The following PTPN4 variants were observed in gnomAD, a reference collection of about 807,000 sequenced individuals.
PTPN4 encodes the protein protein tyrosine phosphatase non-receptor type 4, also known as tyrosine-protein phosphatase non-receptor type 4.
PTPN4 carries 49 observed loss-of-function variants against 135.5 expected under a neutral mutation model. The ratio of observed to expected loss-of-function variants is 0.36; its 90% CI spans 0.29 to 0.46. PTPN4 has a LOEUF of 0.46. PTPN4 is among the 20% of genes least tolerant of loss of function. The probability of loss-of-function intolerance (pLI) is 1.00; values close to 1 mark genes in which losing one functional copy is unlikely to be tolerated. For missense variants in PTPN4, 860 were observed against 1,101.0 expected, an observed-to-expected ratio of 0.78 and a Z score of 3.10; for synonymous variants, 333 against 369.9, an observed-to-expected ratio of 0.90 and a Z score of 1.14.
intron 5 of PTPN4, among the ~76,000 whole-genome samples, chr2:119,879,129 G>A (rs879399945): frequency 3.0e-4 from 45 of 151,548 alleles, no homozygotes; most frequent in African/African-American, 1.1e-3. Context: ...ACAAAGTCGT[G>A]TTATATGTAT....
intron 2 of PTPN4, 42 bp from the exon 3 acceptor site, chr2:119,862,494 C>T (rs1677775196): frequency 6.6e-7 from 1 of 1,521,808 alleles, no homozygotes; most frequent in Admixed American, 1.7e-5. Flanking sequence ...AGAATGTAAC[C>T]TATCAAAGTT....
intron 2 of PTPN4, among the ~76,000 whole-genome samples, chr2:119,834,370 C>T (rs1196567965): frequency 2.0e-5 from 3 of 152,174 alleles, no homozygotes; most frequent in Admixed American, 2.0e-4. Context: ...ACAGTTACAC[C>T]CAACTTCTAT....
intron 1 of PTPN4, among the ~76,000 whole-genome samples, chr2:119,801,554 A>G (rs1458252901): frequency 6.6e-6 from 1 of 152,098 alleles, no homozygotes; most frequent in Non-Finnish European, 1.5e-5. Flanking sequence ...CTCTCCATTT[A>G]TTTAGATTTT....
intron 1 of PTPN4, among the ~76,000 whole-genome samples, chr2:119,760,975 A>T (rs1055341293): frequency 1.3e-5 from 2 of 151,476 alleles, no homozygotes; most frequent in African/African-American, 2.4e-5. Flanking sequence ...TGATGTGTGG[A>T]TGTTTCTGCA....
chr2:119,874,619 G>A (rs982224850), intron 3 of PTPN4, among the ~76,000 whole-genome samples: 36 of 152,136 alleles, frequency 2.4e-4, no homozygotes, highest in African/African-American at 8.2e-4. Flanking sequence ...ACAGGGAAGG[G>A]TACATTGAGA....
intron 2 of PTPN4, among the ~76,000 whole-genome samples, chr2:119,811,644 T>C (rs1258059493): frequency 6.6e-6 from 1 of 152,150 alleles, no homozygotes; most frequent in Non-Finnish European, 1.5e-5. Context: ...GAATTCTTTT[T>C]TGGAAAAGGC....
chr2:119,762,188 C>T (rs1467144707), intron 1 of PTPN4, among the ~76,000 whole-genome samples: 1 of 151,992 alleles, frequency 6.6e-6, no homozygotes, highest in African/African-American at 2.4e-5. Flanking sequence ...GACCAGTGTA[C>T]ACTTCATTAT....
chr2:119,942,627 G>A (rs1380228650), intron 15 of PTPN4, among the ~76,000 whole-genome samples: 1 of 152,140 alleles, frequency 6.6e-6, no homozygotes, highest in African/African-American at 2.4e-5. Flanking sequence ...GTTACACTTA[G>A]GTCCAAGTAA....
chr2:119,957,551 C>T (rs1378028872), intron 22 of PTPN4, among the ~76,000 whole-genome samples: 1 of 121,524 alleles, frequency 8.2e-6, no homozygotes, highest in African/African-American at 3.1e-5. Flanking sequence ...TTCCAAGAAA[C>T]CAGTCCCTGG....
rs562450782 is a variant in PTPN4, at chr2:119,767,357, T to A, written c.-18+6973T>A. Among the ~76,000 whole-genome samples the A allele has an allele frequency of 2.6e-4, 40 of 152,352 alleles. 1 individual carries two copies. In the South Asian group the frequency reaches 7.9e-3, roughly 30 times the overall value. The stretch of plus-strand genomic sequence containing the variant: ...TCATTTGGCTTTTTTCCTGAATTAT[T>A]TGAGAGCAAGTTGCAGACATGATCC... On this transcript the variant is annotated intron_variant, in intron 1 of 26. Coordinates refer to ENST00000263708, the MANE Select transcript of PTPN4 (RefSeq NM_002830.4).
intron 15 of PTPN4, among the ~76,000 whole-genome samples, chr2:119,937,343 C>G (rs1238292698): frequency 6.6e-6 from 1 of 152,000 alleles, no homozygotes; most frequent in African/African-American, 2.4e-5. Flanking sequence ...AGGTTTTTCA[C>G]ATATACCTTT....
In PTPN4 at chr2:119,877,518, A is replaced by T. The variant is rs766752995; in HGVS notation, c.344A>T (p.Asn115Ile). The change falls in exon 5 of 27, where the codon AAC (asparagine) becomes ATC (isoleucine). Residue 115 changes from asparagine (N) to isoleucine (I), a missense_variant. Physicochemically the swap from Asn to Ile is moderately radical, Grantham distance 149. Around this residue, in one of 2 missense-constraint regions of PTPN4, gnomAD observed 684 missense variants for 807.0 expected, o/e 0.85. Transcript: ENST00000263708. ...GTCAAATTTTTTGTAAGTGACCCCA[A>T]CAAGTTACAAGAAGAATATACAAGG... The part of the protein sequence containing the change: ...FRVKFFVSDP[N>I]KLQEEYTRYQ... 1 of 1,610,210 alleles carries T rather than the reference A, an allele frequency of 6.2e-7. No individual in the cohort carries two copies. Among genetic ancestry groups the T allele is most frequent in the Non-Finnish European group, 8.5e-7 (1 of 1,178,844 alleles).
At chr2:119,818,984 C>G (rs1244617674) in intron 2 of PTPN4, among the ~76,000 whole-genome samples, 1 of 152,202 alleles carries the variant, frequency 6.6e-6, no homozygotes, top group Non-Finnish European at 1.5e-5. Flanking sequence ...CCTGTGTACG[C>G]ACATCCTATG....
intron 2 of PTPN4, among the ~76,000 whole-genome samples, chr2:119,841,974 A>G (rs191736899): frequency 6.6e-6 from 1 of 152,304 alleles, no homozygotes; most frequent in East Asian, 1.9e-4. Context: ...AGAAGAATGA[A>G]TCCATATTCA....
chr2:119,847,307 C>CATATAT (rs1175968307), intron 2 of PTPN4, among the ~76,000 whole-genome samples: 2 of 100,830 alleles, frequency 2.0e-5, no homozygotes, highest in Non-Finnish European at 4.0e-5. Flanking sequence ...CACACACACA[C>CATATAT]ACACACACAT....
Position 119,982,707 on chromosome 2 carries a change from C to A in PTPN4, c.*5637C>A, listed in dbSNP as rs898613191. The A allele has an allele frequency of 1.3e-5, 2 of 152,134 alleles. No individual in the cohort carries two copies. Among genetic ancestry groups the A allele is most frequent in the Non-Finnish European group, 2.9e-5 (2 of 68,044 alleles). The allele number at this position is 152,134 out of a possible 1,614,324, so 9.4% of individuals were successfully genotyped here. On this transcript the variant is annotated 3_prime_UTR_variant, in exon 27 of 27. Coordinates refer to ENST00000263708, the MANE Select transcript of PTPN4 (RefSeq NM_002830.4). ...CATAGAGAACGTTGCCAGGCTTTGT[C>A]AAATGAGGACATTGTTGTGAGGGTG...
chr2:119,969,796 G>A (rs1679502499), intron 26 of PTPN4, among the ~76,000 whole-genome samples: 1 of 151,956 alleles, frequency 6.6e-6, no homozygotes, highest in Non-Finnish European at 1.5e-5. Flanking sequence ...CTGACTTGGT[G>A]ATCCACCCGC....
intron 26 of PTPN4, among the ~76,000 whole-genome samples, chr2:119,969,656 T>C (rs1336359106): frequency 7.0e-6 from 1 of 143,576 alleles, no homozygotes; most frequent in Non-Finnish European, 1.5e-5. Context: ...CCTCCCGGGA[T>C]CACACCATTC....
chr2:119,831,570 T>C (rs1209535842), intron 2 of PTPN4, among the ~76,000 whole-genome samples: 3 of 152,258 alleles, frequency 2.0e-5, no homozygotes, highest in South Asian at 2.1e-4. Flanking sequence ...AGGATTGCTA[T>C]GTCTTATTGG....
Sources: allele counts gnomAD v4.1 joint callset (sites outside exome capture counted in the v4.1 genomes callset), GRCh38; gene constraint gnomAD v4.1.1; regional missense constraint gnomAD v4.1.1; transcripts MANE v1.5; gene names NCBI Gene and HGNC (gene_info 2026-07-23, HGNC 2026-07-21).